Variants in STPG2 observed in about 807,000 individuals in gnomAD.
STPG2 encodes the protein sperm tail PG-rich repeat containing 2.
In STPG2, 56 loss-of-function variants were observed where a neutral mutation model predicts 54.2. That is an observed-to-expected ratio of 1.03 (90% CI 0.83 to 1.29). The LOEUF (loss-of-function observed/expected upper bound fraction) is 1.29, where lower values mean the gene tolerates loss of function less well. STPG2 is among the 50% of genes most tolerant of loss of function. The pLI is 0.00. For missense variants in STPG2, 596 were observed against 544.9 expected, an observed-to-expected ratio of 1.09 and a Z score of -0.93; for synonymous variants, 200 against 181.8, an observed-to-expected ratio of 1.10 and a Z score of -0.81.
intron 4 of STPG2, among the ~76,000 whole-genome samples, chr4:97,445,760 G>T (rs1259991805): frequency 6.6e-6 from 1 of 152,082 alleles, no homozygotes; most frequent in African/African-American, 2.4e-5. Context: ...GCAGGTTAAT[G>T]ATATATCAGA....
chr4:98,038,201 C>A (rs944008267), intron 5 of STPG2, among the ~76,000 whole-genome samples: 4 of 151,814 alleles, frequency 2.6e-5, no homozygotes, highest in African/African-American at 9.7e-5. Flanking sequence ...CTGAGACAAA[C>A]AGATTCTAAA....
At chr4:98,120,566 C>T (rs1739650461) in intron 3 of STPG2, among the ~76,000 whole-genome samples, 1 of 152,152 alleles carries the variant, frequency 6.6e-6, no homozygotes, top group Admixed American at 6.6e-5. Context: ...GCAACCTTGC[C>T]AGCATCTGTT....
At chr4:97,557,201 T>C (rs1732098820), downstream of STPG2, among the ~76,000 whole-genome samples, 1 of 151,932 alleles carries the variant, frequency 6.6e-6, no homozygotes, top group Admixed American at 6.6e-5. Context: ...AATACTGTCA[T>C]ACCTTCTTAG....
intron 10 of STPG2, among the ~76,000 whole-genome samples, chr4:97,563,846 G>C (rs1428559300): frequency 6.6e-6 from 1 of 152,096 alleles, no homozygotes; most frequent in Non-Finnish European, 1.5e-5. Context: ...GCTGAGGAGA[G>C]CTTTACTTCT....
At chr4:97,806,166 C>T (rs1443525972) in intron 9 of STPG2, among the ~76,000 whole-genome samples, 1 of 152,158 alleles carries the variant, frequency 6.6e-6, no homozygotes, top group Non-Finnish European at 1.5e-5. Context: ...TACATAAACA[C>T]AATGGAATAC....
chr4:97,894,077 A>C (rs534041884), intron 8 of STPG2, among the ~76,000 whole-genome samples: 50 of 152,096 alleles, frequency 3.3e-4, no homozygotes, highest in African/African-American at 1.2e-3. Flanking sequence ...ACAAAAGTAT[A>C]AGATACTTTG....
At chr4:97,968,781 A>C (rs1012887661) in intron 7 of STPG2, among the ~76,000 whole-genome samples, 2 of 152,210 alleles carry the variant, frequency 1.3e-5, no homozygotes, top group Admixed American at 1.3e-4. Context: ...CTATGGAATA[A>C]AAGATGAAAT....
intron 10 of STPG2, among the ~76,000 whole-genome samples, chr4:97,604,783 C>A (rs930271121): frequency 2.0e-5 from 3 of 151,700 alleles, no homozygotes; most frequent in African/African-American, 7.2e-5. Flanking sequence ...TCTGATTTAT[C>A]TTACATTCTA....
intron 9 of STPG2, among the ~76,000 whole-genome samples, chr4:97,814,495 A>C (rs2149099459): frequency 6.6e-6 from 1 of 152,114 alleles, no homozygotes; most frequent in African/African-American, 2.4e-5. Context: ...CACCTGGGTA[A>C]TTTTTTTATT....
intron 7 of STPG2, among the ~76,000 whole-genome samples, chr4:97,968,812 C>G (rs1353973339): frequency 6.6e-6 from 1 of 152,196 alleles, no homozygotes; most frequent in Non-Finnish European, 1.5e-5. Flanking sequence ...ATTGTAAATA[C>G]AAAATTGCAT....
chr4:97,865,947 A>G (rs980164511), intron 8 of STPG2, among the ~76,000 whole-genome samples: 1 of 151,986 alleles, frequency 6.6e-6, no homozygotes, highest in Non-Finnish European at 1.5e-5. Flanking sequence ...TTGAAACAAC[A>G]TGGATGGAAC....
chr4:97,954,872 G>GA (rs942927787), intron 7 of STPG2, among the ~76,000 whole-genome samples: 7 of 151,108 alleles, frequency 4.6e-5, no homozygotes, highest in Admixed American at 6.6e-5. Flanking sequence ...AAAATCAAGA[G>GA]AAAAAAAACA....
intron 4 of STPG2, among the ~76,000 whole-genome samples, chr4:97,528,826 T>C (rs1560645556): frequency 6.6e-6 from 1 of 152,202 alleles, no homozygotes; most frequent in East Asian, 1.9e-4. Context: ...ATAGGAATGC[T>C]TGTGATTTTT....
intron 4 of STPG2, among the ~76,000 whole-genome samples, chr4:97,478,446 GA>G (rs1232041171): frequency 2.0e-5 from 3 of 152,006 alleles, no homozygotes; most frequent in African/African-American, 7.2e-5. Flanking sequence ...ATATGAACTG[GA>G]AAAATTAATA....
At chr4:97,799,736 C>T (rs1240256998) in intron 9 of STPG2, among the ~76,000 whole-genome samples, 1 of 151,756 alleles carries the variant, frequency 6.6e-6, no homozygotes, top group Non-Finnish European at 1.5e-5. Flanking sequence ...GCCTGCCTTG[C>T]TAGGTTGGCG....
chr4:97,933,196 C>G (rs989403630), intron 8 of STPG2, among the ~76,000 whole-genome samples: 3 of 151,910 alleles, frequency 2.0e-5, no homozygotes, highest in Non-Finnish European at 4.4e-5. Context: ...ATGTCCTTTG[C>G]CCACTTTTTG....
intron 7 of STPG2, among the ~76,000 whole-genome samples, chr4:97,947,587 C>A (rs1014548689): frequency 3.3e-5 from 5 of 151,908 alleles, no homozygotes; most frequent in African/African-American, 1.2e-4. Context: ...CCCTTTTATA[C>A]CTAGTTTATT....
At chr4:97,955,651 C>T (rs528031959) in intron 7 of STPG2, among the ~76,000 whole-genome samples, 4 of 152,072 alleles carry the variant, frequency 2.6e-5, no homozygotes, top group South Asian at 4.2e-4. Context: ...TATTTAAAAC[C>T]GATAAAGGAC....
chr4:97,456,658 G>T (rs1479770047), intron 4 of STPG2, among the ~76,000 whole-genome samples: 3 of 152,072 alleles, frequency 2.0e-5, no homozygotes, highest in African/African-American at 7.2e-5. Context: ...CACTTTGGGA[G>T]GCTGAGGCGG....
Sources: gnomAD v4.1 joint callset for allele counts (sites outside exome capture counted in the v4.1 genomes callset) on GRCh38, gnomAD v4.1.1 for gene constraint, MANE v1.5 for transcripts, NCBI Gene and HGNC (gene_info 2026-07-23, HGNC 2026-07-21) for gene names.